The following COL18A1 variants were observed in gnomAD, a reference collection of about 807,000 sequenced individuals.
The protein encoded by COL18A1 is collagen alpha-1(XVIII) chain.
Under a neutral mutation model 168.0 loss-of-function variants are expected in COL18A1, and 133 were observed. That is an observed-to-expected ratio of 0.79 (90% confidence interval 0.69 to 0.91). The LOEUF is 0.91. Among genes scored for constraint, COL18A1 ranks in the 40% least tolerant of loss-of-function variants. The probability of loss-of-function intolerance (pLI) is 0.00; values close to 1 mark genes in which losing one functional copy is unlikely to be tolerated. For synonymous variants in COL18A1, 949 were observed against 809.0 expected (o/e 1.17, Z -2.94); for missense variants, 2,126 against 1,925.4 (o/e 1.10, Z -1.95).
At position 45,463,539 on chromosome 21, in the gene COL18A1, G is replaced by A. The variant is rs983006057; in HGVS notation, c.107-4703G>A. The stretch of plus-strand genomic sequence containing the variant: ...TTAGTTGGGGAGATGGATTCCTGGC[G>A]CTTTCCATCTGCCATTTACCAGAGT... On this transcript the variant is annotated intron_variant, in intron 2 of 41. Transcript: ENST00000651438. The surrounding 1 kb of genome is among the most constrained non-coding windows in gnomAD (Gnocchi z 4.0). 1.4e-4 allele frequency among the ~76,000 whole-genome samples: 22 copies of A among 152,302 alleles called. No individual in the cohort carries two copies. The highest frequency in any genetic ancestry group is 4.1e-4 in the African/African-American group (17 of 41,558).
At chr21:45,441,605 C>T (rs2034371899) in intron 2 of COL18A1, among the ~76,000 whole-genome samples, 1 of 152,220 alleles carries the variant, frequency 6.6e-6, no homozygotes, top group African/African-American at 2.4e-5. Flanking sequence ...CTGCTCCTCT[C>T]CGTGATCTGC....
At chr21:45,444,704 A>G (rs546343682) in intron 2 of COL18A1, among the ~76,000 whole-genome samples, 53 of 152,252 alleles carry the variant, frequency 3.5e-4, no homozygotes, top group Admixed American at 1.2e-3. Flanking sequence ...GTTAGGAGGA[A>G]GCCACGTGCT....
chr21:45,468,521 A>G lies in COL18A1; in HGVS notation c.386A>G (p.Gln129Arg). The change falls in exon 3 of 42, where the codon CAG becomes CGG. Residue 129 changes from glutamine (Q) to arginine (R), a missense_variant. Physicochemically the swap from Gln to Arg is conservative, Grantham distance 43 (BLOSUM62 1). Coordinates refer to ENST00000651438, the MANE Select transcript of COL18A1 (RefSeq NM_001379500.1). ...CTGGGCGTGAAGCTCTCTGGGGTGC[A>G]GGACGGGCACCAGGACATCTCCCTG... ...VLLGVKLSGV[Q>R]DGHQDISLLY... is the part of the protein sequence containing the mutation. 6.2e-7 allele frequency: 1 copy of G among 1,613,502 alleles called. No individual in the cohort carries two copies. Among genetic ancestry groups the G allele is most frequent in the Non-Finnish European group, 8.5e-7 (1 of 1,179,874 alleles).
At chr21:45,491,832 A>T (rs1425196717) in intron 22 of COL18A1, among the ~76,000 whole-genome samples, 3 of 152,146 alleles carry the variant, frequency 2.0e-5, no homozygotes, top group Non-Finnish European at 4.4e-5. Context: ...GCCCAGCCAC[A>T]TGGAACACAG....
Position 45,473,501 on chromosome 21 carries a change from G to A in COL18A1, c.652-394G>A, listed in dbSNP as rs913335767. Among the ~76,000 whole-genome samples, 2 of 152,176 alleles carry A rather than the reference G, an allele frequency of 1.3e-5. No individual in the cohort carries two copies. The highest frequency in any genetic ancestry group is 2.4e-5 in the African/African-American group (1 of 41,440). ...GGAGATGAGGCCGCCTGGTGCTTGCGTAAAGCTCCCGGGACTTGGGGTTGG... is the reference window on the plus strand; with the variant it reads ...GGAGATGAGGCCGCCTGGTGCTTGCATAAAGCTCCCGGGACTTGGGGTTGG... On this transcript the variant is annotated intron_variant, in intron 3 of 41. Coordinates refer to ENST00000651438, the MANE Select transcript of COL18A1 (RefSeq NM_001379500.1). The surrounding 1 kb of genome is among the most constrained non-coding windows in gnomAD (Gnocchi z 4.0).
At chr21:45,453,305 G>A (rs749021860) in intron 2 of COL18A1, among the ~76,000 whole-genome samples, 27 of 152,146 alleles carry the variant, frequency 1.8e-4, no homozygotes, top group Non-Finnish European at 3.7e-4. Flanking sequence ...TTGTGTATGT[G>A]AGTATTCACA....
At position 45,405,385 on chromosome 21, in the gene COL18A1, C is replaced by T; in HGVS notation, c.18C>T (p.Pro6=). 1 of 1,293,748 alleles carries T rather than the reference C, an allele frequency of 7.7e-7. No individual in the cohort carries two copies. 80.1% of individuals were successfully genotyped at this position (1,293,748 alleles called of 1,614,324 possible). ...CCGTGCCTGTCCCGCGCAGGTGCCC[C>T]TGGCCATGGCCGCGGCGGCGGCGCC... MAPRC[P]WPWPRRRRLL... is the part of the protein sequence containing the mutation. The change falls in exon 2 of 42, where the codon CCC becomes CCT. Residue 6 remains proline, a synonymous_variant. Transcript: ENST00000651438.
chr21:45,456,589 G>C (rs1398766635), intron 2 of COL18A1: 1 of 1,542,582 alleles, frequency 6.5e-7, no homozygotes, highest in South Asian at 1.2e-5. Flanking sequence ...CACGCTTCTG[G>C]CTGCCCAACC....
chr21:45,475,417 G>T, intron 4 of COL18A1, 59 bp from the exon 5 acceptor site: 1 of 1,486,180 alleles, frequency 6.7e-7, no homozygotes, highest in East Asian at 2.4e-5. Flanking sequence ...CAGGCCTGCC[G>T]GGCTCGGGGC....
intron 2 of COL18A1, among the ~76,000 whole-genome samples, chr21:45,414,215 G>A (rs983591551): frequency 4.6e-5 from 7 of 152,206 alleles, no homozygotes; most frequent in African/African-American, 1.2e-4. Flanking sequence ...GCCATGGTGT[G>A]CCTGTGCCTG....
At chr21:45,499,294 A>G (rs1027802464) in intron 32 of COL18A1, among the ~76,000 whole-genome samples, 4 of 152,386 alleles carry the variant, frequency 2.6e-5, no homozygotes, top group Admixed American at 2.0e-4. Flanking sequence ...AGACAAGGCC[A>G]AGGGAAAGGA....
rs79764055 is a variant in COL18A1, at chr21:45,496,498, A to G, written c.2509-2A>G. ...CCTAACAGCTCTCTGCCCTCCCCAC[A>G]GGGAATGCCCGGCCCCCCAGGACCT... On this transcript the variant is annotated splice_acceptor_variant, in intron 29 of 41. Transcript: ENST00000651438. LOFTEE classifies it high-confidence loss of function. 1 of 1,382,078 alleles carries G rather than the reference A, an allele frequency of 7.2e-7. No homozygotes were observed. Among genetic ancestry groups the G allele is most frequent in the Non-Finnish European group, 1.0e-6 (1 of 968,778 alleles). The allele number at this position is 1,382,078 out of a possible 1,614,324, so 85.6% of individuals were successfully genotyped here. A position where few individuals can be genotyped will look rare whatever the true frequency, so the allele number is the denominator to read the frequency against.
rs780113129 is a variant in COL18A1 at position 45,480,791 on chromosome 21, T to C, written c.1544T>C (p.Val515Ala). ...PGRFGVNSSDVPGPAGLPGVP... is the reference protein window; with the variant it reads ...PGRFGVNSSDAPGPAGLPGVP... Reference sequence around the variant, plus strand: ...CGCTTTGGGGTGAACAGCTCCGACGTCCCAGGACCCGCCGGCCTTCCTGGT... The same window carrying C: ...CGCTTTGGGGTGAACAGCTCCGACGCCCCAGGACCCGCCGGCCTTCCTGGT... The change falls in exon 13 of 42, where the codon GTC becomes GCC. Residue 515 changes from valine to alanine, a missense_variant. By Grantham distance (64) the Val-to-Ala change is moderately conservative. Coordinates refer to ENST00000651438, the MANE Select transcript of COL18A1 (RefSeq NM_001379500.1). 6.2e-7 allele frequency: 1 copy of C among 1,611,436 alleles called. No homozygotes were observed. The highest frequency in any genetic ancestry group is 8.5e-7 in the Non-Finnish European group (1 of 1,179,760).
rs778629591 is a variant in COL18A1, at chr21:45,478,018, G to C, written c.1221+53G>C. On this transcript the variant is annotated intron_variant, in intron 8 of 41. Coordinates refer to ENST00000651438, the MANE Select transcript of COL18A1 (RefSeq NM_001379500.1). ...GCCCGGTCTGGAGGGTGGGGGCTTG[G>C]GTAGGAGGGGGAGAGGCTGCGGCCG... The C allele has an allele frequency of 3.0e-6, 3 of 997,974 alleles. No homozygotes were observed. The South Asian group carries it at 4.2e-5, about 14-fold the overall frequency. 61.8% of individuals were successfully genotyped at this position (997,974 alleles called of 1,614,324 possible).
In COL18A1 at chr21:45,489,472, CT is replaced by C. The variant is rs1555868003; in HGVS notation, c.1924-8del. The C allele has an allele frequency of 1.3e-6, 2 of 1,594,784 alleles. No individual in the cohort carries two copies. The highest frequency in any genetic ancestry group is 1.7e-6 in the Non-Finnish European group (2 of 1,170,248). On this transcript the variant is annotated splice_polypyrimidine_tract_variant and intron_variant, in intron 18 of 41. Coordinates refer to ENST00000651438, the MANE Select transcript of COL18A1 (RefSeq NM_001379500.1). ...GCCCCAGCAGGTGCTCACGGAGCCC[CT>C]TTTTTCACTTAGGGGGATCCTGGCG... is the stretch of plus-strand genomic sequence containing the variant.
intron 2 of COL18A1, among the ~76,000 whole-genome samples, chr21:45,438,287 CCTG>C (rs1172245715): frequency 1.7e-5 from 2 of 117,276 alleles, no homozygotes; most frequent in East Asian, 2.8e-4. Context: ...CAGGCACTCT[CCTG>C]CACACACACA....
At chr21:45,411,759 CGG>C (rs1437966551) in intron 2 of COL18A1, among the ~76,000 whole-genome samples, 5 of 7,582 alleles carry the variant, frequency 6.6e-4, no homozygotes, top group African/African-American at 4.5e-3. Context: ...GGGCTGATGG[CGG>C]GGGGTGGGGG....
At chr21:45,477,071 G>A (rs1246157083) in intron 6 of COL18A1, among the ~76,000 whole-genome samples, 3 of 152,070 alleles carry the variant, frequency 2.0e-5, no homozygotes, top group African/African-American at 7.3e-5. Context: ...AAAGTTAAGA[G>A]GGAAAAAGGA....
At chr21:45,505,656 A>G (rs1017892685) in intron 36 of COL18A1, among the ~76,000 whole-genome samples, 182 bp from the exon 37 acceptor site, 14 of 152,098 alleles carry the variant, frequency 9.2e-5, no homozygotes, top group African/African-American at 2.4e-4. Flanking sequence ...TTGTCCACGG[A>G]GGCGCAGGAG....
Sources: gnomAD v4.1 joint callset for allele counts (sites outside exome capture counted in the v4.1 genomes callset) on GRCh38, gnomAD v4.1.1 for gene constraint, Gnocchi (gnomAD v3.1) non-coding constraint, MANE v1.5 for transcripts, NCBI Gene and HGNC (gene_info 2026-07-23, HGNC 2026-07-21) for gene names.